ANO2: variants seen among roughly 807,000 people sequenced by gnomAD.
ANO2 encodes the protein anoctamin-2.
A neutral mutation model predicts 124.2 loss-of-function variants in ANO2; 101 were observed. The ratio of observed to expected loss-of-function variants is 0.81; its 90% CI spans 0.69 to 0.96. ANO2 has a LOEUF of 0.96. Among genes scored for constraint, ANO2 ranks in the 40% least tolerant of loss-of-function variants. The probability of loss-of-function intolerance (pLI) is 0.00; values close to 1 mark genes in which losing one functional copy is unlikely to be tolerated. For synonymous variants in ANO2, 486 were observed against 482.5 expected (o/e 1.01, Z -0.09); for missense variants, 1,293 against 1,274.5 (o/e 1.01, Z -0.22).
At chr12:5,741,220 C>T (rs1367025569) in intron 12 of ANO2, 11 of 152,250 alleles carry the variant, frequency 7.2e-5, no homozygotes, top group Admixed American at 1.3e-4. Context: ...CTCTTAGCTG[C>T]CTATGTCTAC....
intron 3 of ANO2, among the ~76,000 whole-genome samples, chr12:5,882,164 A>G (rs1020959824): frequency 6.6e-6 from 1 of 152,168 alleles, no homozygotes. Context: ...TCACACTGAG[A>G]TTTTATCTGA....
At chr12:5,843,137 C>T (rs2137236447) in intron 4 of ANO2, among the ~76,000 whole-genome samples, 1 of 152,284 alleles carries the variant, frequency 6.6e-6, no homozygotes, top group South Asian at 2.1e-4. Context: ...TCAGTTCTAG[C>T]TCATTTAAAA....
At chr12:5,676,808 C>G (rs1051712810) in intron 14 of ANO2, among the ~76,000 whole-genome samples, 1 of 152,148 alleles carries the variant, frequency 6.6e-6, no homozygotes, top group East Asian at 1.9e-4. Context: ...AATCCCAGCA[C>G]TTTGGGAGGC....
intron 14 of ANO2, among the ~76,000 whole-genome samples, chr12:5,707,237 CT>C (rs1177831200): frequency 6.6e-6 from 1 of 152,146 alleles, no homozygotes; most frequent in Non-Finnish European, 1.5e-5. Context: ...ATAAGATGTG[CT>C]TTGCCTCCCT....
chr12:5,699,291 C>T (rs921913567), intron 14 of ANO2, among the ~76,000 whole-genome samples: 2 of 152,168 alleles, frequency 1.3e-5, no homozygotes, highest in African/African-American at 2.4e-5. Context: ...CAATATTTAA[C>T]ATTCTTAAAG....
chr12:5,714,316 T>G (rs1007635079), intron 14 of ANO2, among the ~76,000 whole-genome samples: 1 of 152,134 alleles, frequency 6.6e-6, no homozygotes, highest in Admixed American at 6.5e-5. Context: ...CTTCCTATCC[T>G]CCAAACATGG....
chr12:5,732,770 T>C (rs1950695441), intron 13 of ANO2, 140 bp from the exon 14 acceptor site: 1 of 1,571,966 alleles, frequency 6.4e-7, no homozygotes, highest in Admixed American at 1.7e-5. Flanking sequence ...CCACACACAA[T>C]CACAAGGCAT....
Position 5,925,309 on chromosome 12 carries a change from A to T in ANO2, c.23-2505T>A, listed in dbSNP as rs1458973807. Among the ~76,000 whole-genome samples the T allele has an allele frequency of 6.6e-6, 1 of 152,128 alleles. No homozygotes were observed. Among genetic ancestry groups the T allele is most frequent in the Non-Finnish European group, 1.5e-5 (1 of 68,020 alleles). ...ACCATCCCCTAAAGGTGCCACCTGG[A>T]GTTTGAGGCTGACATTCAGGGCCCT... is the stretch of plus-strand genomic sequence containing the variant. On this transcript the variant is annotated intron_variant, in intron 1 of 24. Transcript: ENST00000682330. The surrounding 1 kb of genome is among the most constrained non-coding windows in gnomAD (Gnocchi z 4.6).
At chr12:5,931,985 T>A in intron 1 of ANO2, among the ~76,000 whole-genome samples, 4 of 93,152 alleles carry the variant, frequency 4.3e-5, no homozygotes, top group African/African-American at 8.2e-5. Context: ...GAAGGAAGAC[T>A]GGTAAGAAAG....
chr12:5,718,959 T>C (rs1317773555), intron 14 of ANO2, among the ~76,000 whole-genome samples: 1 of 152,254 alleles, frequency 6.6e-6, no homozygotes, highest in Non-Finnish European at 1.5e-5. Context: ...CGCAGCTTCC[T>C]GCTGATGCTG....
At chr12:5,766,436 T>C (rs1951892540) in intron 10 of ANO2, among the ~76,000 whole-genome samples, 1 of 152,168 alleles carries the variant, frequency 6.6e-6, no homozygotes, top group Non-Finnish European at 1.5e-5. Flanking sequence ...ATGTTGAAAA[T>C]GGAAGCCAGA....
At chr12:5,721,172 G>A (rs1950219785) in intron 14 of ANO2, among the ~76,000 whole-genome samples, 2 of 152,168 alleles carry the variant, frequency 1.3e-5, no homozygotes, top group African/African-American at 4.8e-5. Flanking sequence ...GAAACCCTCA[G>A]TGCCCTCCTA....
At chr12:5,923,244 G>GCACA (rs1941903495) in intron 1 of ANO2, among the ~76,000 whole-genome samples, 1 of 110,402 alleles carries the variant, frequency 9.1e-6, no homozygotes, top group African/African-American at 3.8e-5. Context: ...ATACACACAC[G>GCACA]CATACACACA....
At chr12:5,944,236 AGGACCACAGTCCTCT>A (rs1943006594) in intron 1 of ANO2, among the ~76,000 whole-genome samples, 1 of 152,322 alleles carries the variant, frequency 6.6e-6, no homozygotes, top group African/African-American at 2.4e-5. Flanking sequence ...GAGGGCCAAG[AGGACCACAGTCCTCT>A]GGAAGCACCT....
intron 7 of ANO2, among the ~76,000 whole-genome samples, chr12:5,813,772 C>T (rs139834465): frequency 4.0e-3 from 611 of 152,308 alleles, no homozygotes; most frequent in Middle Eastern, 0.01. Flanking sequence ...CCCTGGGCCT[C>T]GTTGGCTCAT....
rs763563247 is a variant in ANO2 at position 5,806,099 on chromosome 12, G to A, written c.949-6C>T. On this transcript the variant is annotated splice_region_variant and splice_polypyrimidine_tract_variant and intron_variant, in intron 8 of 24. Transcript: ENST00000682330. ...TCTGGACTATCGTATTCACCCTGTG[G>A]AGAAAAAGTGATGCTGGATAAAGCC... 5 of 1,612,808 alleles carry A rather than the reference G, an allele frequency of 3.1e-6. No homozygotes were observed. In the South Asian group the frequency reaches 5.5e-5, roughly 18 times the overall value.
chr12:5,945,296 C>A, upstream of ANO2: 2 of 1,153,026 alleles, frequency 1.7e-6, no homozygotes, highest in South Asian at 1.6e-5. Context: ...AATTCCATCG[C>A]GGCTCAGCTC....
At chr12:5,847,518 C>G (rs1034540773) in intron 4 of ANO2, among the ~76,000 whole-genome samples, 1 of 151,658 alleles carries the variant, frequency 6.6e-6, no homozygotes, top group Non-Finnish European at 1.5e-5. Context: ...TAATACAAGC[C>G]TCAAATCTGG....
At chr12:5,571,961 C>A (rs1231412903) in intron 23 of ANO2, among the ~76,000 whole-genome samples, 1 of 152,184 alleles carries the variant, frequency 6.6e-6, no homozygotes, top group Non-Finnish European at 1.5e-5. Context: ...ATGTCTAGAT[C>A]ACATGCTGAC....
Sources: gnomAD v4.1 joint callset for allele counts (sites outside exome capture counted in the v4.1 genomes callset) on GRCh38, gnomAD v4.1.1 for gene constraint, Gnocchi (gnomAD v3.1) non-coding constraint, MANE v1.5 for transcripts, NCBI Gene and HGNC (gene_info 2026-07-23, HGNC 2026-07-21) for gene names.